DBNL: variants seen among roughly 807,000 people sequenced by gnomAD.
DBNL encodes drebrin like, also known as drebrin-like protein.
A neutral mutation model predicts 62.2 loss-of-function variants in DBNL; 35 were observed. The observed-to-expected ratio is 0.56, with a 90% CI of 0.43 to 0.75. The LOEUF (loss-of-function observed/expected upper bound fraction) is 0.75. Ranked by LOEUF, DBNL falls within the 30% of genes least tolerant of loss-of-function variation. The pLI is 0.00. For missense variants in DBNL, 495 were observed against 578.4 expected (o/e 0.86, Z 1.48); for synonymous variants, 197 against 218.0 (o/e 0.90, Z 0.85).
At position 44,056,882 on chromosome 7, in the gene DBNL, C is replaced by T. The variant is rs369390688; in HGVS notation, c.453C>T (p.Asp151=). The T allele has an allele frequency of 2.1e-5, 34 of 1,613,916 alleles. No individual in the cohort carries two copies. The highest frequency in any genetic ancestry group is 7.7e-5 in the South Asian group (7 of 91,092). ...ACAAGGAGAGTGGCCGCTTCCAGGA[C>T]GTGGGACCCCAGGCCCCAGTGGTGA... ...SFHKESGRFQ[D]VGPQAPVGSV... is the part of the protein sequence containing the mutation. Residue 151 remains aspartate (D), a synonymous_variant, in exon 5 of 13, where the codon GAC becomes GAT. Coordinates refer to ENST00000448521, the MANE Select transcript of DBNL (RefSeq NM_001014436.3).
Position 44,044,728 on chromosome 7 carries a change from G to A in DBNL, c.-10G>A. On this transcript the variant is annotated 5_prime_UTR_variant, in exon 1 of 13. Transcript: ENST00000448521. Reference sequence around the variant, plus strand: ...GCTACAGCAGCGGCGCGGAGACTGCGGGGCGGGCCATGGCGGCGAACCTGA... The same window carrying A: ...GCTACAGCAGCGGCGCGGAGACTGCAGGGCGGGCCATGGCGGCGAACCTGA... 2 of 1,497,736 alleles carry A rather than the reference G, an allele frequency of 1.3e-6. No homozygotes were observed. The highest frequency in any genetic ancestry group is 1.8e-6 in the Non-Finnish European group (2 of 1,125,680). 92.8% of individuals were successfully genotyped at this position (1,497,736 alleles called of 1,614,324 possible).
chr7:44,056,921 A>G lies in DBNL; in HGVS notation c.474+18A>G, dbSNP rs1376554551. 3 of 1,612,708 alleles carry G rather than the reference A, an allele frequency of 1.9e-6. No individual in the cohort carries two copies. Among genetic ancestry groups the G allele is most frequent in the Non-Finnish European group, 2.5e-6 (3 of 1,179,520 alleles). ...CCCCAGTGGTGAGTGCTGCTTGCCC[A>G]TCGCCAGCCCTTTTGTTGCTCAGGG... On this transcript the variant is annotated intron_variant, in intron 5 of 12. Coordinates refer to ENST00000448521, the MANE Select transcript of DBNL (RefSeq NM_001014436.3).
In DBNL at chr7:44,065,005, CG is replaced by C; in HGVS notation, c.*4090del. 1 of 1,606,222 alleles carries C rather than the reference CG, an allele frequency of 6.2e-7. No homozygotes were observed. Among genetic ancestry groups the C allele is most frequent in the Non-Finnish European group, 8.5e-7 (1 of 1,179,504 alleles). ...TTCCCCGGGCTTCAGGCCTGCGTAC[CG>C]ACGCTCCTGGGGGACACAGGCACGC... is the stretch of plus-strand genomic sequence containing the variant. On this transcript the variant is annotated 3_prime_UTR_variant, in exon 13 of 13. Transcript: ENST00000448521.
At position 44,059,023 on chromosome 7, in the gene DBNL, G is replaced by A. The variant is rs767729447; in HGVS notation, c.835+40G>A. 2 of 1,607,832 alleles carry A rather than the reference G, an allele frequency of 1.2e-6. No homozygotes were observed. The highest frequency in any genetic ancestry group is 1.7e-6 in the Non-Finnish European group (2 of 1,175,300). ...TGGGCCTGGCCATGAGGCAGCAGCAGGCTGAGGGGGAGCCTGGGGTCCTAT... is the reference window on the plus strand; with the variant it reads ...TGGGCCTGGCCATGAGGCAGCAGCAAGCTGAGGGGGAGCCTGGGGTCCTAT... On this transcript the variant is annotated intron_variant, in intron 9 of 12. Coordinates refer to ENST00000448521, the MANE Select transcript of DBNL (RefSeq NM_001014436.3). The surrounding 1 kb of genome is among the most constrained non-coding windows in gnomAD (Gnocchi z 4.1).
chr7:44,056,680 G>T, intron 4 of DBNL, 77 bp from the exon 5 acceptor site: 1 of 1,588,138 alleles, frequency 6.3e-7, no homozygotes, highest in African/African-American at 1.3e-5. Context: ...AGTGGCCCGT[G>T]CTGTATGGAC....
chr7:44,050,120 G>A (rs2096123953), intron 1 of DBNL, 105 bp from the exon 2 acceptor site: 1 of 1,325,108 alleles, frequency 7.5e-7, no homozygotes, highest in Middle Eastern at 1.9e-4. Flanking sequence ...CAGTGTTACT[G>A]TCAGCCCAAG....
Position 44,051,908 on chromosome 7 carries a change from A to G in DBNL, c.218A>G (p.Asn73Ser). 1.2e-6 allele frequency: 2 copies of G among 1,613,962 alleles called. No individual in the cohort carries two copies. The highest frequency in any genetic ancestry group is 1.1e-5 in the South Asian group (1 of 91,078). The change falls in exon 3 of 13, where the codon AAC (asparagine) becomes AGC (serine). Residue 73 changes from asparagine (N) to serine (S), a missense_variant. Asn to Ser is a conservative substitution (Grantham distance 46). Transcript: ENST00000448521. ...GCCTTCTGCAGAGTGAAGGACCCCAACTCTGGACTGCCCAAATTTGTCCTC... is the reference window on the plus strand; with the variant it reads ...GCCTTCTGCAGAGTGAAGGACCCCAGCTCTGGACTGCCCAAATTTGTCCTC... ...MYAFCRVKDP[N>S]SGLPKFVLIN... is the part of the protein sequence containing the mutation.
rs199637968 is a variant in DBNL, at chr7:44,069,080, C to T, written c.*8164C>T. ...CTGGAATAAAAGAATGAAATAAAGA[C>T]ATTCTCAAATGAAGGCAAGCTGAGG... On this transcript the variant is annotated 3_prime_UTR_variant, in exon 13 of 13. Transcript: ENST00000448521. 1 of 92,120 alleles carries T rather than the reference C, an allele frequency of 1.1e-5. No homozygotes were observed. Among genetic ancestry groups the T allele is most frequent in the East Asian group, 3.0e-4 (1 of 3,282 alleles). The allele number at this position is 92,120 out of a possible 1,614,324, so 5.7% of individuals were successfully genotyped here. A position where few individuals can be genotyped will look rare whatever the true frequency, so the allele number is the denominator to read the frequency against.
In DBNL at chr7:44,064,924, T is replaced by C. The variant is rs908881822; in HGVS notation, c.*4008T>C. On this transcript the variant is annotated 3_prime_UTR_variant, in exon 13 of 13. Coordinates refer to ENST00000448521, the MANE Select transcript of DBNL (RefSeq NM_001014436.3). ...CTTGATCTGGGGAACAATCTCCTCG[T>C]TCCAGAAGGGCAGGGCCCGGGCAAT... 2.7e-5 allele frequency: 43 copies of C among 1,610,988 alleles called. No homozygotes were observed. The highest frequency in any genetic ancestry group is 3.6e-5 in the Non-Finnish European group (42 of 1,179,730).
chr7:44,062,929 C>T lies in DBNL; in HGVS notation c.*2013C>T. 1.9e-6 allele frequency: 3 copies of T among 1,614,214 alleles called. No homozygotes were observed. The highest frequency in any genetic ancestry group is 2.5e-6 in the Non-Finnish European group (3 of 1,180,028). The stretch of plus-strand genomic sequence containing the variant: ...GCTCCATGATCGCCTGGTCTGACAT[C>T]CCTATGCCGGAAGGAATAGGTGTCC... On this transcript the variant is annotated 3_prime_UTR_variant, in exon 13 of 13. Coordinates refer to ENST00000448521, the MANE Select transcript of DBNL (RefSeq NM_001014436.3).
intron 2 of DBNL, chr7:44,051,345 G>C (rs987023759): frequency 3.1e-5 from 5 of 160,802 alleles, no homozygotes; most frequent in African/African-American, 9.6e-5. Flanking sequence ...ACTGCAGGAT[G>C]TTCAATCTGG....
chr7:44,065,889 C>G lies in DBNL; in HGVS notation c.*4973C>G, dbSNP rs62458757. 0.025 allele frequency: 10,194 copies of G among 406,602 alleles called. 185 individuals are homozygous for G. The highest frequency in any genetic ancestry group is 0.035 in the Non-Finnish European group (7,550 of 214,956). The allele number at this position is 406,602 out of a possible 1,614,324, so 25.2% of individuals were successfully genotyped here. ...GATGGGGATAGCAGGGACAGAGGGG[C>G]TCTCCAGGGCAACGCTCAGTGGCCT... On this transcript the variant is annotated 3_prime_UTR_variant, in exon 13 of 13. Coordinates refer to ENST00000448521, the MANE Select transcript of DBNL (RefSeq NM_001014436.3).
chr7:44,062,212 C>A lies in DBNL; in HGVS notation c.*1296C>A. The A allele has an allele frequency of 5.8e-6, 1 of 171,768 alleles. No homozygotes were observed. Among genetic ancestry groups the A allele is most frequent in the South Asian group, 1.3e-4 (1 of 7,552 alleles). 10.6% of individuals were successfully genotyped at this position (171,768 alleles called of 1,614,324 possible). A position where few individuals can be genotyped will look rare whatever the true frequency, so the allele number is the denominator to read the frequency against. On this transcript the variant is annotated 3_prime_UTR_variant, in exon 13 of 13. Coordinates refer to ENST00000448521, the MANE Select transcript of DBNL (RefSeq NM_001014436.3). The stretch of plus-strand genomic sequence containing the variant: ...CCCTTTTCGCCAGGGCTTCCTGGTG[C>A]CTCTCCCATGAAGAGGGAACTTCCC...
chr7:44,048,500 G>A (rs1387319203), intron 1 of DBNL, among the ~76,000 whole-genome samples: 5 of 152,190 alleles, frequency 3.3e-5, no homozygotes, highest in Middle Eastern at 3.2e-3. Context: ...TTTTCCCGGA[G>A]GCCTGTCTCC....
chr7:44,065,399 G>A lies in DBNL; in HGVS notation c.*4483G>A. 1 of 1,614,076 alleles carries A rather than the reference G, an allele frequency of 6.2e-7. No individual in the cohort carries two copies. Among genetic ancestry groups the A allele is most frequent in the Non-Finnish European group, 8.5e-7 (1 of 1,180,034 alleles). On this transcript the variant is annotated 3_prime_UTR_variant, in exon 13 of 13. Transcript: ENST00000448521. ...AAACTCCATCTTGGCATCCTTGATGGCCTTGGCTCCCCGCTTGGCCTCCTC... is the reference window on the plus strand; with the variant it reads ...AAACTCCATCTTGGCATCCTTGATGACCTTGGCTCCCCGCTTGGCCTCCTC...
intron 1 of DBNL, among the ~76,000 whole-genome samples, chr7:44,047,657 T>C (rs2096119736): frequency 6.6e-6 from 1 of 152,240 alleles, no homozygotes; most frequent in Non-Finnish European, 1.5e-5. Context: ...CTCTCAGTAC[T>C]TATTTTCAAA....
intron 1 of DBNL, among the ~76,000 whole-genome samples, chr7:44,047,910 C>CT (rs5883883): frequency 1.1e-3 from 79 of 69,660 alleles, no homozygotes; most frequent in East Asian, 7.5e-3. Context: ...TGCTGAGTCC[C>CT]TTTTTTTTTT....
rs887721312 is a variant in DBNL, at chr7:44,058,684, G to C, written c.753+204G>C. 5 of 832,972 alleles carry C rather than the reference G, an allele frequency of 6.0e-6. No individual in the cohort carries two copies. In the African/African-American group the frequency reaches 8.6e-5, roughly 14 times the overall value. 51.6% of individuals were successfully genotyped at this position (832,972 alleles called of 1,614,324 possible). On this transcript the variant is annotated intron_variant, in intron 8 of 12. Coordinates refer to ENST00000448521, the MANE Select transcript of DBNL (RefSeq NM_001014436.3). ...TCGGGCTTGGACCACACCTGGTCCT[G>C]GGGGAGGCCCTGGGAGCCCCTTGGC...
At chr7:44,056,219 G>A (rs1299274667) in intron 4 of DBNL, among the ~76,000 whole-genome samples, 5 of 151,408 alleles carry the variant, frequency 3.3e-5, no homozygotes, top group African/African-American at 1.2e-4. Flanking sequence ...AAAATGAGTT[G>A]GCTGTGTGTG....
Sources: allele counts gnomAD v4.1 joint callset (sites outside exome capture counted in the v4.1 genomes callset), GRCh38; gene constraint gnomAD v4.1.1; non-coding constraint Gnocchi (gnomAD v3.1); transcripts MANE v1.5; gene names NCBI Gene and HGNC (gene_info 2026-07-23, HGNC 2026-07-21).